The following LHFPL2 variants were observed in gnomAD, a reference collection of about 807,000 sequenced individuals.
The protein encoded by LHFPL2 is LHFPL tetraspan subfamily member 2, also known as LHFPL tetraspan subfamily member 2 protein.
In LHFPL2, 7 loss-of-function variants were observed where a neutral mutation model predicts 17.5. That is an observed-to-expected ratio of 0.40 (90% CI 0.23 to 0.75). The LOEUF is 0.75. Among genes scored for constraint, LHFPL2 ranks in the 30% least tolerant of loss-of-function variants. The pLI is 0.37. For missense variants in LHFPL2, 241 were observed against 294.8 expected, an observed-to-expected ratio of 0.82 and a Z score of 1.34; for synonymous variants, 134 against 116.2, an observed-to-expected ratio of 1.15 and a Z score of -0.99.
chr5:78,558,881 A>G (rs1756652470), intron 3 of LHFPL2, among the ~76,000 whole-genome samples: 1 of 152,168 alleles, frequency 6.6e-6, no homozygotes, highest in African/African-American at 2.4e-5. Flanking sequence ...CACTGCTCAA[A>G]AGAACTGAGC....
At chr5:78,602,057 A>T (rs1270898892) in intron 2 of LHFPL2, among the ~76,000 whole-genome samples, 2 of 152,228 alleles carry the variant, frequency 1.3e-5, no homozygotes, top group African/African-American at 4.8e-5. Context: ...AAAAAAACTC[A>T]TGAAATATGG....
chr5:78,487,970 A>G lies in LHFPL2; in HGVS notation c.*927T>C, dbSNP rs1473027090. ...AACTGGGAGTAAAGGTCTCCCCCCA[A>G]GTGCCGAGATTCTGGCAGGTCCTCC... On this transcript the variant is annotated 3_prime_UTR_variant, in exon 5 of 5. Coordinates refer to ENST00000380345, the MANE Select transcript of LHFPL2 (RefSeq NM_005779.3). 3.3e-5 allele frequency: 5 copies of G among 152,154 alleles called. No homozygotes were observed. Among genetic ancestry groups the G allele is most frequent in the Non-Finnish European group, 7.4e-5 (5 of 68,024 alleles). 9.4% of individuals were successfully genotyped at this position (152,154 alleles called of 1,614,324 possible). A position where few individuals can be genotyped will look rare whatever the true frequency, so the allele number is the denominator to read the frequency against.
intron 3 of LHFPL2, among the ~76,000 whole-genome samples, chr5:78,542,512 CT>C (rs1756143481): frequency 6.6e-6 from 1 of 152,206 alleles, no homozygotes; most frequent in African/African-American, 2.4e-5. Context: ...AGCCTTCCCC[CT>C]GATCTGGGCA....
rs1191164436 is a variant in LHFPL2 at position 78,648,484 on chromosome 5, A to G, written c.-350+15T>C. On this transcript the variant is annotated intron_variant, in intron 1 of 4. Coordinates refer to ENST00000380345, the MANE Select transcript of LHFPL2 (RefSeq NM_005779.3). This position sits in a 1 kb window ranked among gnomAD's most constrained non-coding sequence, Gnocchi z 5.4. ...CCCTCCCGCAGCGCGCGCGGGCCCG[A>G]CGCCTGCCACTCACCCGGCCCCAGC... 2.6e-5 allele frequency: 4 copies of G among 150,998 alleles called. No individual in the cohort carries two copies. Among genetic ancestry groups the G allele is most frequent in the Non-Finnish European group, 5.9e-5 (4 of 67,776 alleles). The allele number at this position is 150,998 out of a possible 1,614,324, so 9.4% of individuals were successfully genotyped here.
At chr5:78,560,708 AT>A (rs925698164) in intron 3 of LHFPL2, among the ~76,000 whole-genome samples, 7 of 151,192 alleles carry the variant, frequency 4.6e-5, no homozygotes, top group African/African-American at 1.7e-4. Context: ...TTTGCTATGC[AT>A]TTTTTCTTTT....
At position 78,585,073 on chromosome 5, in the gene LHFPL2, C is replaced by A. The variant is rs1281169697; in HGVS notation, c.-244-20202G>T. Among the ~76,000 whole-genome samples the A allele has an allele frequency of 6.1e-3, 498 of 81,688 alleles. 88 individuals are homozygous for A. Among genetic ancestry groups the A allele is most frequent in the African/African-American group, 0.021 (480 of 22,694 alleles). The allele number at this position is 81,688 out of a possible 152,430, so 53.6% of individuals were successfully genotyped here. A position where few individuals can be genotyped will look rare whatever the true frequency, so the allele number is the denominator to read the frequency against. ...CCAGGCTGGAGTGCAGTGGCGGGAT[C>A]TCGGCTCATTGCAAGCTCCACCTCC... On this transcript the variant is annotated intron_variant, in intron 2 of 4. Coordinates refer to ENST00000380345, the MANE Select transcript of LHFPL2 (RefSeq NM_005779.3).
intron 2 of LHFPL2, among the ~76,000 whole-genome samples, chr5:78,602,276 G>T (rs1366885603): frequency 6.6e-6 from 1 of 152,156 alleles, no homozygotes; most frequent in African/African-American, 2.4e-5. Flanking sequence ...GAAATTAGCT[G>T]TTTGTAAAAT....
intron 3 of LHFPL2, among the ~76,000 whole-genome samples, chr5:78,554,942 C>A (rs1756534275): frequency 6.6e-6 from 1 of 152,154 alleles, no homozygotes; most frequent in Admixed American, 6.5e-5. Context: ...TTAATAAAGT[C>A]TTTGAATCCT....
At chr5:78,520,654 C>G (rs754558202) in intron 3 of LHFPL2, among the ~76,000 whole-genome samples, 1 of 149,508 alleles carries the variant, frequency 6.7e-6, no homozygotes, top group South Asian at 2.1e-4. Flanking sequence ...AGGGCACACC[C>G]GTGGGCACTA....
chr5:78,525,777 G>A lies in LHFPL2; in HGVS notation c.-185-15379C>T, dbSNP rs545695832. Among the ~76,000 whole-genome samples the A allele has an allele frequency of 7.9e-5, 12 of 152,332 alleles. No individual in the cohort carries two copies. In the South Asian group the frequency reaches 8.3e-4, roughly 11 times the overall value. On this transcript the variant is annotated intron_variant, in intron 3 of 4. Coordinates refer to ENST00000380345, the MANE Select transcript of LHFPL2 (RefSeq NM_005779.3). ...ACACAAGTTAAAATAAACATGCTGC[G>A]TTTGGGAATAGGATACCACAGTGAG...
intron 2 of LHFPL2, among the ~76,000 whole-genome samples, chr5:78,619,726 A>G (rs866621056): frequency 7.2e-6 from 1 of 138,410 alleles, no homozygotes; most frequent in Non-Finnish European, 1.5e-5. Context: ...TCATTGTTCA[A>G]TTCCCACCTA....
intron 2 of LHFPL2, among the ~76,000 whole-genome samples, chr5:78,616,557 A>G (rs1168066301): frequency 6.6e-6 from 1 of 152,224 alleles, no homozygotes; most frequent in Non-Finnish European, 1.5e-5. Context: ...TACTATGCCA[A>G]TAAATGCTCA....
intron 3 of LHFPL2, among the ~76,000 whole-genome samples, chr5:78,543,307 T>C (rs1384737533): frequency 6.6e-6 from 1 of 152,196 alleles, no homozygotes; most frequent in Non-Finnish European, 1.5e-5. Flanking sequence ...TTCTTCTGCC[T>C]TTTAAATTTC....
At chr5:78,578,584 T>TGC (rs1289307683) in intron 2 of LHFPL2, among the ~76,000 whole-genome samples, 93 of 103,346 alleles carry the variant, frequency 9.0e-4, no homozygotes, top group Middle Eastern at 9.2e-3. Context: ...CTTGCATATG[T>TGC]GCACACACAC....
chr5:78,576,107 AACACGGTGAAACCCC>A (rs1561346767), intron 2 of LHFPL2, among the ~76,000 whole-genome samples: 1 of 152,184 alleles, frequency 6.6e-6, no homozygotes. Context: ...CATCCTGGCT[AACACGGTGAAACCCC>A]GTCTCCACTA....
chr5:78,615,837 T>C (rs1744581316), intron 2 of LHFPL2, among the ~76,000 whole-genome samples: 2 of 152,218 alleles, frequency 1.3e-5, no homozygotes, highest in African/African-American at 4.8e-5. Flanking sequence ...CACTCCTTCC[T>C]CAGCCTGTCC....
intron 3 of LHFPL2, among the ~76,000 whole-genome samples, chr5:78,553,603 A>T (rs968457196): frequency 6.6e-6 from 1 of 152,218 alleles, no homozygotes; most frequent in African/African-American, 2.4e-5. Flanking sequence ...TGTATCAACA[A>T]GGATTCCGCA....
At chr5:78,647,442 C>A (rs1274987625) in intron 1 of LHFPL2, among the ~76,000 whole-genome samples, 1 of 152,218 alleles carries the variant, frequency 6.6e-6, no homozygotes, top group South Asian at 2.1e-4. Context: ...GTTTACCTCT[C>A]TGGGGTGAGC....
Position 78,553,933 on chromosome 5 carries a change from G to T in LHFPL2, c.-186+10880C>A, listed in dbSNP as rs946913632. Among the ~76,000 whole-genome samples, 3 of 152,228 alleles carry T rather than the reference G, an allele frequency of 2.0e-5. No individual in the cohort carries two copies. In the South Asian group the frequency reaches 6.2e-4, roughly 32 times the overall value. ...TTATAATGGTTTGTCAGTGTTTGTT[G>T]TTGAGGCACAATATGTCATTTGGGG... is the stretch of plus-strand genomic sequence containing the variant. On this transcript the variant is annotated intron_variant, in intron 3 of 4. Coordinates refer to ENST00000380345, the MANE Select transcript of LHFPL2 (RefSeq NM_005779.3).
Sources: allele counts gnomAD v4.1 joint callset (sites outside exome capture counted in the v4.1 genomes callset), GRCh38; gene constraint gnomAD v4.1.1; non-coding constraint Gnocchi (gnomAD v3.1); transcripts MANE v1.5; gene names NCBI Gene and HGNC (gene_info 2026-07-23, HGNC 2026-07-21).